TMTC2: variants seen among roughly 807,000 people sequenced by gnomAD.
TMTC2 encodes the protein protein O-mannosyl-transferase TMTC2.
Under a neutral mutation model 82.4 loss-of-function variants are expected in TMTC2, and 43 were observed. The ratio of observed to expected loss-of-function variants is 0.52; its 90% confidence interval spans 0.41 to 0.67. The LOEUF (loss-of-function observed/expected upper bound fraction) is 0.67. Among genes scored for constraint, TMTC2 ranks in the 30% least tolerant of loss-of-function variants. The pLI is 0.00. For missense variants in TMTC2, 919 were observed against 1,012.4 expected, an observed-to-expected ratio of 0.91 and a Z score of 1.25; for synonymous variants, 408 against 381.9, an observed-to-expected ratio of 1.07 and a Z score of -0.80.
At chr12:82,972,519 G>A (rs1308994952) in intron 7 of TMTC2, among the ~76,000 whole-genome samples, 1 of 152,052 alleles carries the variant, frequency 6.6e-6, no homozygotes, top group East Asian at 1.9e-4. Context: ...CACAGAGAAC[G>A]AGGGAGAAAA....
chr12:82,788,923 TG>T (rs1213470497), intron 1 of TMTC2, among the ~76,000 whole-genome samples: 1 of 152,092 alleles, frequency 6.6e-6, no homozygotes, highest in Non-Finnish European at 1.5e-5. Context: ...CTCAGCACTT[TG>T]GGAGGCCAAA....
chr12:82,895,916 A>C lies in TMTC2; in HGVS notation c.753A>C (p.Pro251=). 1.2e-6 allele frequency: 2 copies of C among 1,613,918 alleles called. No homozygotes were observed. Among genetic ancestry groups the C allele is most frequent in the Non-Finnish European group, 1.7e-6 (2 of 1,180,002 alleles). Reference sequence around the variant, plus strand: ...TATACTGGATGGGAAACAAACCACCAAGCTTTTCCAACTCGGACAACCCCG... The same window carrying C: ...TATACTGGATGGGAAACAAACCACCCAGCTTTTCCAACTCGGACAACCCCG... The part of the protein sequence containing the change: ...ARLYWMGNKP[P]SFSNSDNPAA... Residue 251 remains proline (P), a synonymous_variant, in exon 3 of 12, where the codon CCA becomes CCC. Transcript: ENST00000321196.
intron 1 of TMTC2, among the ~76,000 whole-genome samples, chr12:82,848,195 A>G (rs1870794120): frequency 6.6e-6 from 1 of 152,044 alleles, no homozygotes. Flanking sequence ...CTGCTGCTCC[A>G]TCCCTCAAGC....
chr12:82,698,086 C>T (rs144639740), intron 1 of TMTC2, among the ~76,000 whole-genome samples: 11 of 152,244 alleles, frequency 7.2e-5, no homozygotes, highest in African/African-American at 2.6e-4. Context: ...TACACTTAAA[C>T]CTTAGCTTTA....
At chr12:83,020,662 G>A (rs954720200) in intron 8 of TMTC2, among the ~76,000 whole-genome samples, 5 of 96,158 alleles carry the variant, frequency 5.2e-5, no homozygotes, top group Admixed American at 2.2e-4. Context: ...TTAGTGTCAG[G>A]ATACCAATAT....
intron 4 of TMTC2, among the ~76,000 whole-genome samples, chr12:82,941,734 G>A (rs1047947742): frequency 3.9e-5 from 6 of 151,968 alleles, no homozygotes; most frequent in African/African-American, 1.2e-4. Flanking sequence ...TACTGATGTG[G>A]GATAATGATT....
chr12:82,754,435 C>T (rs1876186008), intron 1 of TMTC2, among the ~76,000 whole-genome samples: 2 of 152,044 alleles, frequency 1.3e-5, no homozygotes, highest in South Asian at 4.1e-4. Context: ...GAGGTACTTG[C>T]CTTTAAAAAG....
chr12:82,770,667 T>G (rs2136994537), intron 1 of TMTC2, among the ~76,000 whole-genome samples: 1 of 152,284 alleles, frequency 6.6e-6, no homozygotes, highest in East Asian at 1.9e-4. Context: ...TATTTTATTG[T>G]TTGAATACAG....
chr12:83,091,427 AT>A (rs1264083114), intron 11 of TMTC2, among the ~76,000 whole-genome samples: 1 of 152,104 alleles, frequency 6.6e-6, no homozygotes, highest in African/African-American at 2.4e-5. Context: ...CAAAATTATG[AT>A]TGGGGAGTCA....
intron 10 of TMTC2, among the ~76,000 whole-genome samples, chr12:83,053,647 A>G (rs1203111268): frequency 6.6e-6 from 1 of 152,106 alleles, no homozygotes; most frequent in Non-Finnish European, 1.5e-5. Context: ...TGGGACCTTC[A>G]AGAGGTTTGA....
intron 1 of TMTC2, among the ~76,000 whole-genome samples, chr12:82,805,571 G>A (rs1012444186): frequency 1.1e-4 from 16 of 140,614 alleles, no homozygotes; most frequent in African/African-American, 3.7e-4. Context: ...GAAGTGGCGC[G>A]ATCTTGGCTC....
intron 4 of TMTC2, among the ~76,000 whole-genome samples, chr12:82,937,244 A>C (rs746879674): frequency 6.6e-6 from 1 of 152,320 alleles, no homozygotes; most frequent in African/African-American, 2.4e-5. Flanking sequence ...TGGCAGGGCC[A>C]TGCTCCCTCT....
At chr12:83,037,939 A>G (rs144191551) in intron 9 of TMTC2, among the ~76,000 whole-genome samples, 4 of 152,234 alleles carry the variant, frequency 2.6e-5, no homozygotes, top group Non-Finnish European at 4.4e-5. Flanking sequence ...CTATACAACT[A>G]CAAGGAAAAT....
At chr12:82,937,748 GTGTATATATA>G (rs1291187067) in intron 4 of TMTC2, among the ~76,000 whole-genome samples, 6 of 92,366 alleles carry the variant, frequency 6.5e-5, no homozygotes, top group East Asian at 2.5e-4. Context: ...GTGTGTGTGT[GTGTATATATA>G]TATATATATA....
intron 3 of TMTC2, among the ~76,000 whole-genome samples, chr12:82,912,367 G>A (rs555968710): frequency 1.6e-4 from 24 of 152,244 alleles, no homozygotes; most frequent in Non-Finnish European, 5.9e-5. Context: ...TAGGAACTTG[G>A]AAGTCATATC....
intron 11 of TMTC2, among the ~76,000 whole-genome samples, chr12:83,123,149 T>G (rs1448459546): frequency 3.9e-5 from 6 of 152,208 alleles, no homozygotes; most frequent in Admixed American, 1.3e-4. Flanking sequence ...TCATAAAAGT[T>G]AAATGAACAT....
chr12:82,954,985 A>G (rs1682593), intron 4 of TMTC2, among the ~76,000 whole-genome samples: 105,100 of 152,106 alleles, frequency 0.69, 37,896 homozygotes, highest in South Asian at 0.84. Context: ...TTTCTGTAGT[A>G]TATCTTCTTG....
intron 4 of TMTC2, among the ~76,000 whole-genome samples, chr12:82,950,849 T>C (rs547124242): frequency 6.6e-6 from 1 of 152,254 alleles, no homozygotes; most frequent in East Asian, 1.9e-4. Context: ...CTAATAATGT[T>C]AAAGAATAAC....
intron 8 of TMTC2, among the ~76,000 whole-genome samples, chr12:83,012,683 G>GT (rs1296302587): frequency 1.3e-5 from 2 of 152,060 alleles, no homozygotes; most frequent in Non-Finnish European, 2.9e-5. Context: ...CTGGCCATGT[G>GT]TTTTGCTCTG....
Sources: gnomAD v4.1 joint callset for allele counts (sites outside exome capture counted in the v4.1 genomes callset) on GRCh38, gnomAD v4.1.1 for gene constraint, MANE v1.5 for transcripts, NCBI Gene and HGNC (gene_info 2026-07-23, HGNC 2026-07-21) for gene names.